Variants in ICE2 observed in about 807,000 individuals in gnomAD.
ICE2 encodes little elongation complex subunit 2.
A neutral mutation model predicts 105.4 loss-of-function variants in ICE2; 87 were observed. The ratio of observed to expected loss-of-function variants is 0.83; its 90% CI spans 0.69 to 0.99. The LOEUF (loss-of-function observed/expected upper bound fraction) is 0.99, where lower values mean the gene tolerates loss of function less well. Among genes scored for constraint, ICE2 ranks in the 50% least tolerant of loss-of-function variants. The probability of loss-of-function intolerance (pLI) is 0.00; values close to 1 mark genes in which losing one functional copy is unlikely to be tolerated. For synonymous variants in ICE2, 399 were observed against 392.0 expected, an observed-to-expected ratio of 1.02 and a Z score of -0.21; for missense variants, 1,323 against 1,146.7, an observed-to-expected ratio of 1.15 and a Z score of -2.22.
At chr15:60,441,470 A>C (rs1283349783) in intron 12 of ICE2, 1 of 152,178 alleles carries the variant, frequency 6.6e-6, no homozygotes, top group Non-Finnish European at 1.5e-5. Flanking sequence ...TATAACACAA[A>C]ATTTTATTAG....
chr15:60,454,960 TTC>T (rs1373870386), intron 8 of ICE2, 41 bp downstream of exon 8: 3 of 1,497,298 alleles, frequency 2.0e-6, no homozygotes, highest in African/African-American at 1.4e-5. Flanking sequence ...GCAGTCCAAC[TTC>T]TCTTTTTTGA....
intron 3 of ICE2, among the ~76,000 whole-genome samples, chr15:60,472,012 T>C (rs1474573984): frequency 6.6e-6 from 1 of 152,034 alleles, no homozygotes; most frequent in East Asian, 1.9e-4. Context: ...GCTTGTTTGC[T>C]TAAAACTCAG....
intron 15 of ICE2, 140 bp from the exon 16 acceptor site, chr15:60,423,902 G>A: frequency 1.4e-6 from 1 of 698,858 alleles, no homozygotes; most frequent in Non-Finnish European, 2.1e-6. Context: ...CTAGCTGGCT[G>A]TTTCTAAACA....
At chr15:60,454,982 T>A in intron 8 of ICE2, 21 bp downstream of exon 8, 1 of 1,527,330 alleles carries the variant, frequency 6.5e-7, no homozygotes, top group South Asian at 1.3e-5. Context: ...AGAGCATTAT[T>A]TGACATAGCA....
At chr15:60,459,991 C>G (rs1468904191) in intron 5 of ICE2, among the ~76,000 whole-genome samples, 1 of 152,098 alleles carries the variant, frequency 6.6e-6, no homozygotes, top group Admixed American at 6.5e-5. Context: ...AAGAGATTAT[C>G]AGATTTTATT....
At chr15:60,425,462 A>C (rs1595732719) in intron 15 of ICE2, among the ~76,000 whole-genome samples, 1 of 152,324 alleles carries the variant, frequency 6.6e-6, no homozygotes, top group Admixed American at 6.5e-5. Context: ...GAAGATGTAG[A>C]AAGAAAAAAG....
At position 60,449,095 on chromosome 15, in the gene ICE2, A is replaced by G; in HGVS notation, c.1872T>C (p.Ser624=). ...TTTTTAAAACACATGACTCTTCAGG[A>G]CTACAAGCAGTATTAGTCTGGTTTC... is the stretch of plus-strand genomic sequence containing the variant. ...SVGNQTNTAC[S]PEESCVLKKP... is the part of the protein sequence containing the mutation. The change falls in exon 10 of 16, where the codon AGT becomes AGC. Residue 624 remains serine (S), a synonymous_variant. Transcript: ENST00000261520. The G allele has an allele frequency of 6.2e-7, 1 of 1,614,022 alleles. No homozygotes were observed. The highest frequency in any genetic ancestry group is 1.3e-5 in the African/African-American group (1 of 75,034).
At chr15:60,448,392 G>A (rs538844272) in intron 10 of ICE2, among the ~76,000 whole-genome samples, 13 of 152,202 alleles carry the variant, frequency 8.5e-5, no homozygotes, top group Admixed American at 2.0e-4. Flanking sequence ...GTATAAATTC[G>A]TGAGACAGCA....
At chr15:60,460,071 G>A (rs893647266) in intron 5 of ICE2, among the ~76,000 whole-genome samples, 1 of 152,150 alleles carries the variant, frequency 6.6e-6, no homozygotes, top group Non-Finnish European at 1.5e-5. Flanking sequence ...AAATGGACAA[G>A]CTGATTCCAA....
intron 5 of ICE2, among the ~76,000 whole-genome samples, chr15:60,464,675 G>A (rs1336049929): frequency 6.6e-6 from 1 of 151,990 alleles, no homozygotes; most frequent in African/African-American, 2.4e-5. Context: ...TTTGTAGAAA[G>A]TGAGGATGGG....
chr15:60,472,727 C>A (rs1049062687), intron 3 of ICE2, among the ~76,000 whole-genome samples: 12 of 152,084 alleles, frequency 7.9e-5, no homozygotes, highest in African/African-American at 2.9e-4. Flanking sequence ...CTGGCGTGCA[C>A]CTATAATCCC....
chr15:60,474,901 A>C (rs913438827), intron 3 of ICE2, among the ~76,000 whole-genome samples: 1 of 152,146 alleles, frequency 6.6e-6, no homozygotes, highest in South Asian at 2.1e-4. Flanking sequence ...TTGGAGAATC[A>C]CTTGAAGCCA....
rs773144982 is a variant in ICE2, at chr15:60,431,949, A to C, written c.2546T>G (p.Leu849Arg). ...AAATACTTACCTACTTAGTTTCTTT[A>C]GAATGTGTTGGAGGATGTTAAATAA... ...SNLFNILQHI[L>R]KKLSSLQEGS... is the part of the protein sequence containing the mutation. The change falls in exon 14 of 16, where the codon CTA (leucine) becomes CGA (arginine). Residue 849 changes from leucine to arginine, a missense_variant. Leu to Arg is a moderately radical substitution (Grantham distance 102). Transcript: ENST00000261520. 1 of 1,385,126 alleles carries C rather than the reference A, an allele frequency of 7.2e-7. No homozygotes were observed. Among genetic ancestry groups the C allele is most frequent in the South Asian group, 1.2e-5 (1 of 80,500 alleles). The allele number at this position is 1,385,126 out of a possible 1,614,324, so 85.8% of individuals were successfully genotyped here.
At chr15:60,457,039 T>C (rs904377875) in intron 5 of ICE2, among the ~76,000 whole-genome samples, 2 of 152,118 alleles carry the variant, frequency 1.3e-5, no homozygotes, top group Non-Finnish European at 2.9e-5. Context: ...AAGACACATA[T>C]TTTCCATGTC....
Position 60,448,901 on chromosome 15 carries a change from G to A in ICE2, c.2066C>T (p.Ser689Phe), listed in dbSNP as rs1414893657. 1 of 1,611,418 alleles carries A rather than the reference G, an allele frequency of 6.2e-7. No homozygotes were observed. Among genetic ancestry groups the A allele is most frequent in the South Asian group, 1.1e-5 (1 of 90,208 alleles). Residue 689 changes from serine (S) to phenylalanine (F), a missense_variant, in exon 10 of 16, where the codon TCC becomes TTC. Coordinates refer to ENST00000261520, the MANE Select transcript of ICE2 (RefSeq NM_024611.6). ...CCATCCAGATTTCGGCCAACTAGAG[G>A]AGTCTGAAGGACCAGACAATTGCTC... Reference protein sequence around the residue: ...VSEQLSGPSDSSSWPKSGWPS... With the variant: ...VSEQLSGPSDFSSWPKSGWPS...
rs1453223779 is a variant in ICE2, at chr15:60,428,550, G to A, written c.2699C>T (p.Ser900Phe). Residue 900 changes from serine to phenylalanine, a missense_variant, in exon 15 of 16, where the codon TCC becomes TTC. Coordinates refer to ENST00000261520, the MANE Select transcript of ICE2 (RefSeq NM_024611.6). The stretch of plus-strand genomic sequence containing the variant: ...TGGGACCCAGGGAACTGAGAGACTG[G>A]AAGGTACACCAGGAAGGCCGCAATG... ...KTHCGLPGVP[S>F]SLSVPWVPLD... 6.2e-7 allele frequency: 1 copy of A among 1,614,160 alleles called. No homozygotes were observed. The highest frequency in any genetic ancestry group is 1.7e-5 in the Admixed American group (1 of 60,018).
chr15:60,434,799 G>C (rs1187140105), intron 13 of ICE2, among the ~76,000 whole-genome samples: 1 of 152,140 alleles, frequency 6.6e-6, no homozygotes, highest in Non-Finnish European at 1.5e-5. Context: ...TAAGGGATTA[G>C]ACAGGAGGTA....
chr15:60,469,434 C>T (rs2064522971), intron 3 of ICE2, among the ~76,000 whole-genome samples: 1 of 152,018 alleles, frequency 6.6e-6, no homozygotes, highest in South Asian at 2.1e-4. Flanking sequence ...CCTGCACATG[C>T]ACCCTGGAAC....
intron 15 of ICE2, among the ~76,000 whole-genome samples, chr15:60,427,647 C>A (rs1435123848): frequency 6.6e-6 from 1 of 152,132 alleles, no homozygotes; most frequent in African/African-American, 2.4e-5. Flanking sequence ...AAACTGCTGA[C>A]CTCAAATGAT....
Sources: gnomAD v4.1 joint callset for allele counts (sites outside exome capture counted in the v4.1 genomes callset) on GRCh38, gnomAD v4.1.1 for gene constraint, MANE v1.5 for transcripts, NCBI Gene and HGNC (gene_info 2026-07-23, HGNC 2026-07-21) for gene names.